The following MRPL4 variants were observed in gnomAD, a reference collection of about 807,000 sequenced individuals.
The protein encoded by MRPL4 is large ribosomal subunit protein uL4m.
Under a neutral mutation model 34.1 loss-of-function variants are expected in MRPL4, and 34 were observed. The observed-to-expected ratio is 1.00, with a 90% CI of 0.76 to 1.33. The LOEUF (loss-of-function observed/expected upper bound fraction) is 1.33, where lower values mean the gene tolerates loss of function less well. MRPL4 is among the 40% of genes most tolerant of loss of function. The probability of loss-of-function intolerance (pLI) is 0.00; values close to 1 mark genes in which losing one functional copy is unlikely to be tolerated. For missense variants in MRPL4, 402 were observed against 434.6 expected (o/e 0.92, Z 0.67); for synonymous variants, 196 against 188.3 (o/e 1.04, Z -0.33).
Position 10,259,882 on chromosome 19 carries a change from C to A in MRPL4, c.*69C>A. ...TGGGAGCCTCAGGCCCACGCCCACC[C>A]TTCGAGGAAGGTGTCACCTGGACCC... is the stretch of plus-strand genomic sequence containing the variant. On this transcript the variant is annotated 3_prime_UTR_variant, in exon 9 of 9. Coordinates refer to ENST00000253099, the MANE Select transcript of MRPL4 (RefSeq NM_015956.3). The A allele has an allele frequency of 7.2e-7, 1 of 1,398,148 alleles. No homozygotes were observed. Among genetic ancestry groups the A allele is most frequent in the South Asian group, 1.3e-5 (1 of 74,842 alleles). 86.6% of individuals were successfully genotyped at this position (1,398,148 alleles called of 1,614,324 possible).
intron 3 of MRPL4, 51 bp downstream of exon 3, chr19:10,252,752 G>T: frequency 7.0e-6 from 11 of 1,570,024 alleles, no homozygotes; most frequent in Non-Finnish European, 9.5e-6. Context: ...TGAAGAGCGG[G>T]ATTTCAGGAG....
In MRPL4 at chr19:10,259,634, A is replaced by T; in HGVS notation, c.757A>T (p.Met253Leu). 2 of 1,386,460 alleles carry T rather than the reference A, an allele frequency of 1.4e-6. No homozygotes were observed. Among genetic ancestry groups the T allele is most frequent in the Non-Finnish European group, 1.9e-6 (2 of 1,043,538 alleles). 85.9% of individuals were successfully genotyped at this position (1,386,460 alleles called of 1,614,324 possible). The change falls in exon 9 of 9, where the codon ATG (methionine) becomes TTG (leucine). Residue 253 changes from methionine (M) to leucine (L), a missense_variant. Met to Leu is a conservative substitution (Grantham distance 15). Coordinates refer to ENST00000253099, the MANE Select transcript of MRPL4 (RefSeq NM_015956.3). ...IPAVGLNVHS[M>L]LKHQTLVLTL... ...GCCCCCAGGCCTAAATGTGCACAGC[A>T]TGCTCAAGCACCAGACGCTGGTCCT...
chr19:10,254,459 G>A, intron 3 of MRPL4, 130 bp from the exon 4 acceptor site: 4 of 943,346 alleles, frequency 4.2e-6, no homozygotes, highest in Admixed American at 2.2e-5. Flanking sequence ...TTTCAAGATG[G>A]GGTCAGTGAG....
chr19:10,253,565 CG>C (rs2039820139), intron 3 of MRPL4, among the ~76,000 whole-genome samples: 1 of 150,776 alleles, frequency 6.6e-6, no homozygotes, highest in South Asian at 2.1e-4. Flanking sequence ...CCGAGGTGGG[CG>C]GATCACTTGA....
chr19:10,259,266 C>CAT (rs1221237276), intron 8 of MRPL4: 1 of 1,347,912 alleles, frequency 7.4e-7, no homozygotes, highest in African/African-American at 1.5e-5. Flanking sequence ...AAGCCCAAGT[C>CAT]ATCAGGGTGG....
chr19:10,258,889 A>G, intron 8 of MRPL4: 14 of 1,473,292 alleles, frequency 9.5e-6, no homozygotes, highest in Non-Finnish European at 1.3e-5. Context: ...TAATCCCAGT[A>G]CTTTGGGAGG....
chr19:10,252,234 G>A lies in MRPL4; in HGVS notation c.-20G>A, dbSNP rs760540868. Reference sequence around the variant, plus strand: ...GCTCCAGTGGCCTTGACCTCCCGCGGCGTGGGAGGCTGCGCGGCGATGCTG... The same window carrying A: ...GCTCCAGTGGCCTTGACCTCCCGCGACGTGGGAGGCTGCGCGGCGATGCTG... On this transcript the variant is annotated 5_prime_UTR_variant, in exon 1 of 9. Transcript: ENST00000253099. 3.8e-6 allele frequency: 6 copies of A among 1,591,764 alleles called. No homozygotes were observed. The South Asian group carries it at 4.4e-5, about 12-fold the overall frequency.
In MRPL4 at chr19:10,258,395, A is replaced by G; in HGVS notation, c.553-18A>G. The G allele has an allele frequency of 6.2e-7, 1 of 1,613,926 alleles. No homozygotes were observed. ...CTGCTCTGGACCCAGGGTTCAAACC[A>G]TCCTTTCCTTCCACCAGGACGACCT... On this transcript the variant is annotated intron_variant, in intron 6 of 8. Coordinates refer to ENST00000253099, the MANE Select transcript of MRPL4 (RefSeq NM_015956.3).
chr19:10,258,185 G>A (rs1327042066), intron 5 of MRPL4, 37 bp from the exon 6 acceptor site: 2 of 1,473,770 alleles, frequency 1.4e-6, no homozygotes, highest in African/African-American at 1.4e-5. Flanking sequence ...AGGCTCTGCA[G>A]TGGCCCCTAC....
rs2039858072 is a variant in MRPL4 at position 10,256,916 on chromosome 19, A to G, written c.445+91A>G. 7 of 1,056,016 alleles carry G rather than the reference A, an allele frequency of 6.6e-6. No individual in the cohort carries two copies. In the East Asian group the frequency reaches 1.8e-4, roughly 27 times the overall value. 65.4% of individuals were successfully genotyped at this position (1,056,016 alleles called of 1,614,324 possible). A position where few individuals can be genotyped will look rare whatever the true frequency, so the allele number is the denominator to read the frequency against. Reference sequence around the variant, plus strand: ...TCACACACAGCTGCGCACATCTGGCATGGTATTATGTCAGCCCTGTTCCCT... The same window carrying G: ...TCACACACAGCTGCGCACATCTGGCGTGGTATTATGTCAGCCCTGTTCCCT... On this transcript the variant is annotated intron_variant, in intron 5 of 8. Transcript: ENST00000253099.
intron 8 of MRPL4, chr19:10,259,385 C>T (rs1458835302): frequency 7.1e-6 from 10 of 1,403,492 alleles, no homozygotes; most frequent in East Asian, 5.5e-5. Flanking sequence ...GGCACAGGAC[C>T]GAGCCTGGCT....
chr19:10,258,951 A>C lies in MRPL4; in HGVS notation c.739+266A>C, dbSNP rs1010424546. ...GGCTCCCATCTGTACTAAAAATAAA[A>C]AAGTTAGGCGTGGCGATGTGCACCT... On this transcript the variant is annotated intron_variant, in intron 8 of 8. Transcript: ENST00000253099. 7.0e-6 allele frequency: 10 copies of C among 1,420,386 alleles called. No individual in the cohort carries two copies. The South Asian group carries it at 1.5e-4, about 22-fold the overall frequency. 88.0% of individuals were successfully genotyped at this position (1,420,386 alleles called of 1,614,324 possible). A position where few individuals can be genotyped will look rare whatever the true frequency, so the allele number is the denominator to read the frequency against.
chr19:10,256,563 C>T lies in MRPL4; in HGVS notation c.328-145C>T, dbSNP rs565942374. On this transcript the variant is annotated intron_variant, in intron 4 of 8. Coordinates refer to ENST00000253099, the MANE Select transcript of MRPL4 (RefSeq NM_015956.3). ...GAGCTGTGACTTCTTTACCCTCCCC[C>T]TCGCTCCCCAAGTACTCTGTGCTTG... 123 of 629,966 alleles carry T rather than the reference C, an allele frequency of 2.0e-4. No individual in the cohort carries two copies. The African/African-American group carries it at 2.1e-3, about 11-fold the overall frequency. The allele number at this position is 629,966 out of a possible 1,614,324, so 39.0% of individuals were successfully genotyped here.
intron 8 of MRPL4, chr19:10,259,097 T>TCAAA: frequency 4.5e-6 from 3 of 672,800 alleles, no homozygotes; most frequent in Non-Finnish European, 5.3e-6. Flanking sequence ...GACTCTTGTC[T>TCAAA]CAAAAAAAAA....
rs1466149344 is a variant in MRPL4, at chr19:10,252,612, G to A, written c.186G>A (p.Val62=). The A allele has an allele frequency of 6.2e-7, 1 of 1,612,470 alleles. No homozygotes were observed. The highest frequency in any genetic ancestry group is 8.5e-7 in the Non-Finnish European group (1 of 1,179,892). The stretch of plus-strand genomic sequence containing the variant: ...CGGTACCCACTCATCGACGCCCAGT[G>A]CAGGCCTGGGTCGAGTCCTTGCGGG... The part of the protein sequence containing the change: ...ELPVPTHRRP[V]QAWVESLRGF... Residue 62 remains valine, a synonymous_variant, in exon 3 of 9, where the codon GTG becomes GTA. Coordinates refer to ENST00000253099, the MANE Select transcript of MRPL4 (RefSeq NM_015956.3).
intron 8 of MRPL4, chr19:10,259,239 C>T: frequency 7.5e-7 from 1 of 1,327,390 alleles, no homozygotes; most frequent in Non-Finnish European, 9.6e-7. Flanking sequence ...CTGGCTTCCC[C>T]ACCTCTCTCA....
intron 5 of MRPL4, 41 bp downstream of exon 5, chr19:10,256,866 G>GGGGGGGGGGGGCC: frequency 2.6e-6 from 1 of 378,382 alleles, no homozygotes. Context: ...GGGTGGGGGG[G>GGGGGGGGGGGGCC]CCAGGGAAGG....
rs2039831004 is a variant in MRPL4 at position 10,254,570 on chromosome 19, G to A, written c.276-19G>A. 21 of 1,613,368 alleles carry A rather than the reference G, an allele frequency of 1.3e-5. No homozygotes were observed. The highest frequency in any genetic ancestry group is 1.8e-5 in the Non-Finnish European group (21 of 1,179,498). On this transcript the variant is annotated intron_variant, in intron 3 of 8. Coordinates refer to ENST00000253099, the MANE Select transcript of MRPL4 (RefSeq NM_015956.3). Reference sequence around the variant, plus strand: ...TTTGAAGCAGAGTTGGGCTTCTCATGTGTCCTTCCTCCCCGCAGGCTGGAC... The same window carrying A: ...TTTGAAGCAGAGTTGGGCTTCTCATATGTCCTTCCTCCCCGCAGGCTGGAC...
chr19:10,258,723 CA>C, intron 8 of MRPL4, 38 bp downstream of exon 8: 2 of 1,614,004 alleles, frequency 1.2e-6, no homozygotes, highest in Non-Finnish European at 8.5e-7. Flanking sequence ...TGCGCATGTG[CA>C]GGCTCCGCTG....
Sources: allele counts gnomAD v4.1 joint callset (sites outside exome capture counted in the v4.1 genomes callset), GRCh38; gene constraint gnomAD v4.1.1; transcripts MANE v1.5; gene names NCBI Gene and HGNC (gene_info 2026-07-23, HGNC 2026-07-21).